Variants in KCNQ4 observed in about 807,000 individuals in gnomAD.
KCNQ4 encodes the protein potassium voltage-gated channel subfamily Q member 4.
In KCNQ4, 31 loss-of-function variants were observed where a neutral mutation model predicts 72.6. The ratio of observed to expected loss-of-function variants is 0.43; its 90% CI spans 0.32 to 0.58. The LOEUF is 0.58. Ranked by LOEUF, KCNQ4 falls within the 20% of genes least tolerant of loss-of-function variation. The pLI is 0.08. For synonymous variants in KCNQ4, 405 were observed against 403.7 expected (o/e 1.00, Z -0.04); for missense variants, 869 against 962.6 (o/e 0.90, Z 1.29).
At position 40,784,349 on chromosome 1, in the gene KCNQ4, T is replaced by C; in HGVS notation, c.256T>C (p.Trp86Arg). ...CAAGCGCTACCGCCGCCTGCAGAAC[T>C]GGGTCTACAACGTGCTGGAGCGGCC... ...AHKRYRRLQNWVYNVLERPRG... is the reference protein window; with the variant it reads ...AHKRYRRLQNRVYNVLERPRG... The change falls in exon 1 of 14, where the codon TGG becomes CGG. Residue 86 changes from tryptophan (W) to arginine (R), a missense_variant. Trp to Arg is a moderately radical substitution (Grantham distance 101, BLOSUM62 -3). Coordinates refer to ENST00000347132, the MANE Select transcript of KCNQ4 (RefSeq NM_004700.4). This position sits in a 1 kb window ranked among gnomAD's most constrained non-coding sequence, Gnocchi z 4.1. 1 of 1,609,982 alleles carries C rather than the reference T, an allele frequency of 6.2e-7. No individual in the cohort carries two copies. The highest frequency in any genetic ancestry group is 8.5e-7 in the Non-Finnish European group (1 of 1,179,278).
rs375203388 is a variant in KCNQ4, at chr1:40,819,376, C to T, written c.738C>T (p.Phe246=). The change falls in exon 5 of 14, where the codon TTC becomes TTT. Residue 246 remains phenylalanine, a synonymous_variant. Transcript: ENST00000347132. Reference sequence around the variant, plus strand: ...TGATCACCGCCTGGTACATCGGGTTCCTGGTGCTCATCTTCGCCTCCTTCC... The same window carrying T: ...TGATCACCGCCTGGTACATCGGGTTTCTGGTGCTCATCTTCGCCTCCTTCC... The part of the protein sequence containing the change: ...KELITAWYIG[F]LVLIFASFLV... The T allele has an allele frequency of 6.2e-7, 1 of 1,613,914 alleles. No individual in the cohort carries two copies. The highest frequency in any genetic ancestry group is 2.2e-5 in the East Asian group (1 of 44,868).
At chr1:40,801,185 GA>G (rs1431674970) in intron 1 of KCNQ4, among the ~76,000 whole-genome samples, 1 of 150,706 alleles carries the variant, frequency 6.6e-6, no homozygotes, top group Non-Finnish European at 1.5e-5. Context: ...GGGGGAAGGG[GA>G]ATGGGGGTGA....
At chr1:40,821,389 GC>G (rs1256432836) in intron 7 of KCNQ4, among the ~76,000 whole-genome samples, 1 of 152,202 alleles carries the variant, frequency 6.6e-6, no homozygotes, top group Non-Finnish European at 1.5e-5. Flanking sequence ...GGCGTCCAGG[GC>G]CCAGCTCTGC....
intron 7 of KCNQ4, among the ~76,000 whole-genome samples, chr1:40,821,353 A>T (rs138213654): frequency 3.3e-5 from 5 of 152,332 alleles, no homozygotes; most frequent in Non-Finnish European, 7.3e-5. Context: ...CAGCCCCTTA[A>T]GGACAAGAGG....
rs116280576 is a variant in KCNQ4, at chr1:40,835,822, G to C, written c.1745+724G>C. Among the ~76,000 whole-genome samples the C allele has an allele frequency of 1.7e-3, 258 of 152,340 alleles. 3 individuals carry two copies. Among genetic ancestry groups the C allele is most frequent in the African/African-American group, 6.0e-3 (248 of 41,570 alleles). On this transcript the variant is annotated intron_variant, in intron 12 of 13. Coordinates refer to ENST00000347132, the MANE Select transcript of KCNQ4 (RefSeq NM_004700.4). Reference sequence around the variant, plus strand: ...ATTTTAAATAGGTGAGAAGGTTCTAGAGGGAACAGCAAGTGCCAAGGACTT... The same window carrying C: ...ATTTTAAATAGGTGAGAAGGTTCTACAGGGAACAGCAAGTGCCAAGGACTT...
At chr1:40,787,449 C>T (rs1467842378) in intron 1 of KCNQ4, among the ~76,000 whole-genome samples, 3 of 152,136 alleles carry the variant, frequency 2.0e-5, no homozygotes, top group Admixed American at 2.0e-4. Context: ...GGGTATGCCT[C>T]CCTCCCATCT....
At chr1:40,811,373 C>T (rs992204444) in intron 1 of KCNQ4, among the ~76,000 whole-genome samples, 3 of 152,198 alleles carry the variant, frequency 2.0e-5, no homozygotes, top group Non-Finnish European at 4.4e-5. Flanking sequence ...GCTGCAACTG[C>T]TCCCATCACC....
At position 40,785,388 on chromosome 1, in the gene KCNQ4, G is replaced by A. The variant is rs545369898; in HGVS notation, c.314+981G>A. On this transcript the variant is annotated intron_variant, in intron 1 of 13. Coordinates refer to ENST00000347132, the MANE Select transcript of KCNQ4 (RefSeq NM_004700.4). ...CAGAGGTGCCCAGAGAGAGACCTCT[G>A]GTCCCTGGAAAATGTGTGGCTATTA... 3.3e-5 allele frequency among the ~76,000 whole-genome samples: 5 copies of A among 152,298 alleles called. No individual in the cohort carries two copies. In the South Asian group the frequency reaches 1.0e-3, roughly 32 times the overall value.
At chr1:40,808,509 T>C (rs575675216) in intron 1 of KCNQ4, among the ~76,000 whole-genome samples, 258 of 152,148 alleles carry the variant, frequency 1.7e-3, no homozygotes, top group Non-Finnish European at 3.0e-3. Context: ...CCATACCTCC[T>C]CCATCTCTTC....
At chr1:40,797,486 C>A (rs1647449342) in intron 1 of KCNQ4, among the ~76,000 whole-genome samples, 1 of 152,248 alleles carries the variant, frequency 6.6e-6, no homozygotes, top group African/African-American at 2.4e-5. Context: ...GGCTGGGATG[C>A]AACAGGGCCA....
chr1:40,809,055 C>A (rs1285315652), intron 1 of KCNQ4, among the ~76,000 whole-genome samples: 1 of 152,188 alleles, frequency 6.6e-6, no homozygotes, highest in East Asian at 1.9e-4. Flanking sequence ...GTCACCAAAT[C>A]CAGAGGACAT....
At chr1:40,810,499 G>A (rs1033762262) in intron 1 of KCNQ4, among the ~76,000 whole-genome samples, 2 of 152,176 alleles carry the variant, frequency 1.3e-5, no homozygotes, top group Non-Finnish European at 2.9e-5. Flanking sequence ...GGTGTCTGAA[G>A]TGAATATAGC....
chr1:40,784,144 C>G lies in KCNQ4; in HGVS notation c.51C>G (p.Asp17Glu). ...TCGGCCTGGGTCCCCCGCCCGGGGA[C>G]GCCCCCCGCGCGGAGCTAGTGGCGC... ...RRLGLGPPPG[D>E]APRAELVALT... Residue 17 changes from aspartate to glutamate, a missense_variant, in exon 1 of 14, where the codon GAC becomes GAG. This residue lies in a region of KCNQ4 where 178 missense variants were observed against 145.3 expected (regional missense o/e 1.22). Coordinates refer to ENST00000347132, the MANE Select transcript of KCNQ4 (RefSeq NM_004700.4). This position sits in a 1 kb window ranked among gnomAD's most constrained non-coding sequence, Gnocchi z 4.1. The G allele has an allele frequency of 2.0e-6, 2 of 1,020,282 alleles. No homozygotes were observed. The highest frequency in any genetic ancestry group is 2.4e-6 in the Non-Finnish European group (2 of 837,716). 63.2% of individuals were successfully genotyped at this position (1,020,282 alleles called of 1,614,324 possible).
At chr1:40,789,038 C>T (rs546011116) in intron 1 of KCNQ4, among the ~76,000 whole-genome samples, 1 of 152,228 alleles carries the variant, frequency 6.6e-6, no homozygotes, top group East Asian at 1.9e-4. Flanking sequence ...CAGAACAAAG[C>T]TTGCTCCTGT....
chr1:40,796,330 C>T (rs1455980104), intron 1 of KCNQ4, among the ~76,000 whole-genome samples: 1 of 152,174 alleles, frequency 6.6e-6, no homozygotes, highest in Non-Finnish European at 1.5e-5. Flanking sequence ...CTAGCAGGAC[C>T]TTACTGAGTG....
At chr1:40,818,319 C>G (rs749838027) in intron 3 of KCNQ4, 29 bp downstream of exon 3, 46 of 1,612,782 alleles carry the variant, frequency 2.9e-5, no homozygotes, top group Non-Finnish European at 3.8e-5. Flanking sequence ...CCCGACCTGA[C>G]CCCTGACCCC....
chr1:40,789,248 G>A (rs1647236374), intron 1 of KCNQ4, among the ~76,000 whole-genome samples: 1 of 152,154 alleles, frequency 6.6e-6, no homozygotes, highest in Non-Finnish European at 1.5e-5. Context: ...ATACTGCTGG[G>A]TACACCAAGA....
intron 1 of KCNQ4, among the ~76,000 whole-genome samples, chr1:40,809,947 C>A (rs902918713): frequency 2.0e-5 from 3 of 152,098 alleles, no homozygotes; most frequent in African/African-American, 4.8e-5. Context: ...CACCTGTAAT[C>A]CCAGCTACTC....
At chr1:40,809,751 T>C (rs1214143335) in intron 1 of KCNQ4, among the ~76,000 whole-genome samples, 1 of 152,184 alleles carries the variant, frequency 6.6e-6, no homozygotes, top group Non-Finnish European at 1.5e-5. Flanking sequence ...CAAATTGGAC[T>C]GTGTCATTTC....
Sources: gnomAD v4.1 joint callset for allele counts (sites outside exome capture counted in the v4.1 genomes callset) on GRCh38, gnomAD v4.1.1 for gene constraint, gnomAD v4.1.1 regional missense constraint, Gnocchi (gnomAD v3.1) non-coding constraint, MANE v1.5 for transcripts, NCBI Gene and HGNC (gene_info 2026-07-23, HGNC 2026-07-21) for gene names.